The following UVRAG variants were observed in gnomAD, a reference collection of about 807,000 sequenced individuals.
The protein encoded by UVRAG is UV radiation resistance-associated gene protein.
In UVRAG, 19 loss-of-function variants were observed where a neutral mutation model predicts 78.0. That is an observed-to-expected ratio of 0.24 (90% CI 0.17 to 0.36). The LOEUF is 0.36. UVRAG is among the 10% of genes least tolerant of loss of function. UVRAG has a pLI of 1.00. For missense variants in UVRAG, 740 were observed against 853.8 expected (o/e 0.87, Z 1.66); for synonymous variants, 323 against 324.6 (o/e 1.00, Z 0.05).
chr11:75,903,345 T>C (rs1489391282), intron 5 of UVRAG, among the ~76,000 whole-genome samples: 3 of 152,218 alleles, frequency 2.0e-5, no homozygotes, highest in African/African-American at 7.2e-5. Context: ...AGGTTGTCTT[T>C]ACATTTTAGC....
chr11:76,010,389 A>G (rs898333019), intron 11 of UVRAG, among the ~76,000 whole-genome samples: 1 of 152,252 alleles, frequency 6.6e-6, no homozygotes, highest in Non-Finnish European at 1.5e-5. Flanking sequence ...GGAATATGCT[A>G]TCCCAGAGAA....
chr11:76,044,805 T>G (rs917487526), intron 12 of UVRAG, among the ~76,000 whole-genome samples: 14 of 151,870 alleles, frequency 9.2e-5, no homozygotes, highest in African/African-American at 3.4e-4. Context: ...GAAAAAAAAT[T>G]TTAAAAAGCA....
intron 7 of UVRAG, among the ~76,000 whole-genome samples, chr11:75,976,009 T>C (rs1949230853): frequency 6.6e-6 from 1 of 152,226 alleles, no homozygotes; most frequent in African/African-American, 2.4e-5. Flanking sequence ...GGGTTTGTCA[T>C]AAATAGCTCT....
intron 3 of UVRAG, among the ~76,000 whole-genome samples, chr11:75,873,256 A>G (rs1195968493): frequency 2.0e-5 from 3 of 152,230 alleles, no homozygotes; most frequent in African/African-American, 4.8e-5. Flanking sequence ...ATCTTAAGCT[A>G]TGCTTTCTGG....
At chr11:76,107,512 G>A (rs1951993153) in intron 13 of UVRAG, among the ~76,000 whole-genome samples, 1 of 152,184 alleles carries the variant, frequency 6.6e-6, no homozygotes, top group South Asian at 2.1e-4. Context: ...CCTCAGAATG[G>A]TAGACCTGAG....
chr11:76,069,875 A>T (rs1591200061), intron 13 of UVRAG, among the ~76,000 whole-genome samples: 1 of 152,156 alleles, frequency 6.6e-6, no homozygotes, highest in African/African-American at 2.4e-5. Flanking sequence ...CGACATTCCC[A>T]GATAGAAAAG....
rs927169747 is a variant in UVRAG, at chr11:75,904,959, T to C, written c.508-6995T>C. On this transcript the variant is annotated intron_variant, in intron 5 of 14. Coordinates refer to ENST00000356136, the MANE Select transcript of UVRAG (RefSeq NM_003369.4). ...AGAGTTAAATTATTTTCCTTACTTA[T>C]GCGATAGGCAGAGTAGATTAAAACC... 2.0e-5 allele frequency among the ~76,000 whole-genome samples: 3 copies of C among 152,170 alleles called. No homozygotes were observed. In the South Asian group the frequency reaches 6.2e-4, roughly 32 times the overall value.
intron 7 of UVRAG, among the ~76,000 whole-genome samples, chr11:75,961,949 C>T (rs1459474335): frequency 6.6e-6 from 1 of 152,028 alleles, no homozygotes; most frequent in East Asian, 1.9e-4. Context: ...GGTTTGTGGA[C>T]AGTGATCTCT....
intron 6 of UVRAG, chr11:75,915,282 T>G (rs2135041757): frequency 6.6e-6 from 1 of 152,168 alleles, no homozygotes; most frequent in Middle Eastern, 3.4e-3. Flanking sequence ...TTCAGATGGA[T>G]GGGTTGTATT....
At chr11:75,869,895 G>A (rs149046499) in intron 3 of UVRAG, among the ~76,000 whole-genome samples, 1 of 152,184 alleles carries the variant, frequency 6.6e-6, no homozygotes, top group South Asian at 2.1e-4. Flanking sequence ...TCAAGCAACA[G>A]TAATAAATAA....
chr11:75,872,174 A>G (rs1042491801), intron 3 of UVRAG, among the ~76,000 whole-genome samples: 1 of 152,096 alleles, frequency 6.6e-6, no homozygotes, highest in African/African-American at 2.4e-5. Context: ...TTTCATATCC[A>G]TATTACCTTT....
At chr11:76,084,498 T>C (rs1317550280) in intron 13 of UVRAG, among the ~76,000 whole-genome samples, 2 of 152,218 alleles carry the variant, frequency 1.3e-5, no homozygotes, top group Admixed American at 6.5e-5. Context: ...AAAATATACA[T>C]ACTATCATTT....
Position 76,072,552 on chromosome 11 carries a change from A to G in UVRAG, c.1305+6764A>G, listed in dbSNP as rs535178154. 2.0e-5 allele frequency among the ~76,000 whole-genome samples: 3 copies of G among 152,312 alleles called. No homozygotes were observed. In the South Asian group the frequency reaches 6.2e-4, roughly 32 times the overall value. ...TCTGGGTAAGGAAGAGAACAGGGAA[A>G]AAGTCCAGCTCATTATTTATCTTAT... On this transcript the variant is annotated intron_variant, in intron 13 of 14. Transcript: ENST00000356136.
intron 1 of UVRAG, among the ~76,000 whole-genome samples, chr11:75,823,903 T>G (rs1490250048): frequency 6.6e-6 from 1 of 152,190 alleles, no homozygotes; most frequent in Admixed American, 6.5e-5. Context: ...AAAGATTGGA[T>G]TCAGTGGTAT....
At chr11:75,874,000 T>C (rs1396337225) in intron 3 of UVRAG, among the ~76,000 whole-genome samples, 1 of 152,198 alleles carries the variant, frequency 6.6e-6, no homozygotes, top group Non-Finnish European at 1.5e-5. Flanking sequence ...ATTCTTGTAG[T>C]AGTGGTCTAG....
At chr11:75,878,040 G>C (rs75791788) in intron 3 of UVRAG, among the ~76,000 whole-genome samples, 1 of 145,924 alleles carries the variant, frequency 6.9e-6, no homozygotes, top group African/African-American at 2.5e-5. Flanking sequence ...GCTGCCGGGC[G>C]GAGGGGCTCC....
intron 3 of UVRAG, among the ~76,000 whole-genome samples, chr11:75,874,308 G>A (rs1362092285): frequency 6.6e-6 from 1 of 152,000 alleles, no homozygotes; most frequent in African/African-American, 2.4e-5. Context: ...AAATGAACAT[G>A]AGACAAATTC....
At chr11:75,989,022 A>G (rs1478964864) in intron 8 of UVRAG, among the ~76,000 whole-genome samples, 1 of 151,994 alleles carries the variant, frequency 6.6e-6, no homozygotes, top group Non-Finnish European at 1.5e-5. Flanking sequence ...CTATCTTAAC[A>G]GTGTATTTTG....
At chr11:76,125,379 C>A (rs997028375) in intron 14 of UVRAG, among the ~76,000 whole-genome samples, 5 of 152,320 alleles carry the variant, frequency 3.3e-5, no homozygotes, top group African/African-American at 1.2e-4. Context: ...CAGGAACACA[C>A]AAGGCATATG....
Sources: gnomAD v4.1 joint callset for allele counts (sites outside exome capture counted in the v4.1 genomes callset) on GRCh38, gnomAD v4.1.1 for gene constraint, MANE v1.5 for transcripts, NCBI Gene and HGNC (gene_info 2026-07-23, HGNC 2026-07-21) for gene names.